Variants in LUZP1 observed in about 807,000 individuals in gnomAD.
LUZP1 encodes the protein leucine zipper protein 1, also known as filamin mechanobinding actin cross-linking protein.
Under a neutral mutation model 71.3 loss-of-function variants are expected in LUZP1, and 25 were observed. The ratio of observed to expected loss-of-function variants is 0.35; its 90% CI spans 0.26 to 0.49. The LOEUF (loss-of-function observed/expected upper bound fraction) is 0.49. Among genes scored for constraint, LUZP1 ranks in the 20% least tolerant of loss-of-function variants. The probability of loss-of-function intolerance (pLI) is 0.99; values close to 1 mark genes in which losing one functional copy is unlikely to be tolerated. For synonymous variants in LUZP1, 481 were observed against 506.4 expected (o/e 0.95, Z 0.67); for missense variants, 1,142 against 1,300.8 (o/e 0.88, Z 1.88).
chr1:23,092,683 C>T (rs111657929), exon 4 of LUZP1: 5 of 1,614,048 alleles, frequency 3.1e-6, no homozygotes, highest in Admixed American at 1.7e-5. Flanking sequence ...GCCTTGTCAG[C>T]TCTACCCAAT....
chr1:23,149,232 G>A (rs1194859207), intron 2 of LUZP1, among the ~76,000 whole-genome samples: 1 of 151,946 alleles, frequency 6.6e-6, no homozygotes, highest in Non-Finnish European at 1.5e-5. Context: ...AGCCACAGCA[G>A]GACTGAGGAG....
intron 2 of LUZP1, among the ~76,000 whole-genome samples, chr1:23,147,432 AC>A (rs1464423504): frequency 1.4e-5 from 2 of 145,480 alleles, no homozygotes; most frequent in East Asian, 4.1e-4. Flanking sequence ...ACAGAGCAAG[AC>A]TCTATCTCAA....
intron 4 of LUZP1, 74 bp from the exon 4 acceptor site, chr1:23,089,127 A>G (rs1643814337): frequency 2.1e-6 from 3 of 1,446,634 alleles, no homozygotes; most frequent in Admixed American, 3.5e-5. Flanking sequence ...ACCTGCTACC[A>G]TAGTGGGTCC....
At chr1:23,097,439 G>A (rs1643898695) in intron 3 of LUZP1, among the ~76,000 whole-genome samples, 1 of 152,164 alleles carries the variant, frequency 6.6e-6, no homozygotes, top group African/African-American at 2.4e-5. Flanking sequence ...GATGGTGGCA[G>A]TACATGCGTT....
chr1:23,097,301 C>CT (rs2124608992), intron 3 of LUZP1, among the ~76,000 whole-genome samples: 1 of 152,318 alleles, frequency 6.6e-6, no homozygotes, highest in East Asian at 1.9e-4. Flanking sequence ...AACTGAACCA[C>CT]TTCTCAGCAG....
At chr1:23,113,739 G>A (rs1211421015) in intron 2 of LUZP1, among the ~76,000 whole-genome samples, 2 of 151,970 alleles carry the variant, frequency 1.3e-5, no homozygotes, top group Non-Finnish European at 2.9e-5. Context: ...AATTAGCCGG[G>A]TGTTGTGGCG....
chr1:23,091,400 C>G lies in LUZP1; in HGVS notation c.2862G>C (p.Gln954His), dbSNP rs1419994804. ...GTTCTGAGAAGTCTGTGGAAGACCTCTGGGTGTAGGCATTGCTATTGGTAG... is the reference window on the plus strand; with the variant it reads ...GTTCTGAGAAGTCTGTGGAAGACCTGTGGGTGTAGGCATTGCTATTGGTAG... Residue 954 changes from glutamine (Q) to histidine (H), a missense_variant, in exon 4 of 5, where the codon CAG (glutamine) becomes CAC (histidine). Physicochemically the swap from Gln to His is conservative, Grantham distance 24. Transcript: ENST00000302291. The G allele has an allele frequency of 4.3e-6, 7 of 1,614,048 alleles. No individual in the cohort carries two copies. The East Asian group carries it at 1.6e-4, about 36-fold the overall frequency.
intron 3 of LUZP1, among the ~76,000 whole-genome samples, chr1:23,106,825 A>AC (rs1384221122): frequency 6.6e-6 from 1 of 151,756 alleles, no homozygotes; most frequent in Non-Finnish European, 1.5e-5. Context: ...ATCCTTCCCC[A>AC]CCCTCCACAG....
At chr1:23,166,146 A>T (rs909062182) in intron 2 of LUZP1, among the ~76,000 whole-genome samples, 2 of 152,186 alleles carry the variant, frequency 1.3e-5, no homozygotes, top group African/African-American at 4.8e-5. Context: ...AATAGACTTA[A>T]ATGACTTATT....
chr1:23,120,961 G>C (rs1644124876), intron 2 of LUZP1, among the ~76,000 whole-genome samples: 1 of 152,118 alleles, frequency 6.6e-6, no homozygotes, highest in Non-Finnish European at 1.5e-5. Context: ...TTGCTTTACT[G>C]AGCTGACTAC....
At chr1:23,143,721 G>C (rs1644322672) in intron 2 of LUZP1, among the ~76,000 whole-genome samples, 1 of 152,296 alleles carries the variant, frequency 6.6e-6, no homozygotes, top group Middle Eastern at 3.4e-3. Context: ...GTTCATAACA[G>C]TTCACAGTAA....
intron 4 of LUZP1, chr1:23,090,473 GAC>G (rs1643835871): frequency 5.5e-6 from 1 of 182,102 alleles, no homozygotes. Context: ...TCATCAAAAA[GAC>G]ACTCCCAGGG....
intron 2 of LUZP1, chr1:23,140,414 C>T (rs1644293211): frequency 6.6e-6 from 1 of 152,172 alleles, no homozygotes; most frequent in Non-Finnish European, 1.5e-5. Context: ...TGCAGATGCA[C>T]AACCAGTGGG....
chr1:23,172,650 G>A (rs1417625597), intron 1 of LUZP1, among the ~76,000 whole-genome samples: 4 of 151,604 alleles, frequency 2.6e-5, no homozygotes, highest in Non-Finnish European at 5.9e-5. Context: ...GAGTAGCCGG[G>A]ATTACAGGAA....
At chr1:23,095,296 C>A (rs1024459180) in intron 3 of LUZP1, among the ~76,000 whole-genome samples, 1 of 152,070 alleles carries the variant, frequency 6.6e-6, no homozygotes, top group Non-Finnish European at 1.5e-5. Context: ...AAAAGGCAAA[C>A]AACAGACTTC....
intron 2 of LUZP1, among the ~76,000 whole-genome samples, chr1:23,166,464 G>C (rs190635443): frequency 5.9e-5 from 9 of 151,846 alleles, no homozygotes; most frequent in African/African-American, 2.2e-4. Context: ...AAACCAACCC[G>C]GCCAACATGG....
At chr1:23,137,902 G>C (rs905177381) in intron 2 of LUZP1, among the ~76,000 whole-genome samples, 2 of 152,190 alleles carry the variant, frequency 1.3e-5, no homozygotes, top group African/African-American at 2.4e-5. Flanking sequence ...ACTTGTAGAA[G>C]TATTCATGAC....
At chr1:23,173,845 C>G (rs896267590) in intron 1 of LUZP1, among the ~76,000 whole-genome samples, 1 of 152,022 alleles carries the variant, frequency 6.6e-6, no homozygotes, top group African/African-American at 2.4e-5. Context: ...AAGCCCATGC[C>G]GAGATGATTT....
At chr1:23,147,913 CT>C (rs1644355614) in intron 2 of LUZP1, among the ~76,000 whole-genome samples, 1 of 152,198 alleles carries the variant, frequency 6.6e-6, no homozygotes, top group African/African-American at 2.4e-5. Context: ...GCAAGCATCT[CT>C]TCTACCATTT....
Sources: allele counts gnomAD v4.1 joint callset (sites outside exome capture counted in the v4.1 genomes callset), GRCh38; gene constraint gnomAD v4.1.1; transcripts MANE v1.5; gene names NCBI Gene and HGNC (gene_info 2026-07-23, HGNC 2026-07-21).